The following STK3 variants were observed in gnomAD, a reference collection of about 807,000 sequenced individuals.
The protein encoded by STK3 is serine/threonine-protein kinase 3.
In STK3, 41 loss-of-function variants were observed where a neutral mutation model predicts 58.0. That is an observed-to-expected ratio of 0.71 (90% CI 0.55 to 0.92). The LOEUF is 0.92. Among genes scored for constraint, STK3 ranks in the 40% least tolerant of loss-of-function variants. The probability of loss-of-function intolerance (pLI) is 0.00; values close to 1 mark genes in which losing one functional copy is unlikely to be tolerated. For synonymous variants in STK3, 170 were observed against 191.0 expected, an observed-to-expected ratio of 0.89 and a Z score of 0.91; for missense variants, 479 against 602.7, an observed-to-expected ratio of 0.79 and a Z score of 2.15.
At chr8:98,413,917 T>G (rs541170909) in intron 3 of STK3, 152 of 426,122 alleles carry the variant, frequency 3.6e-4, no homozygotes, top group African/African-American at 2.9e-3. Flanking sequence ...GGGCCCTATA[T>G]TTATTTGATT....
At chr8:98,357,439 G>A in the STK3 span, among the ~76,000 whole-genome samples, 5 of 152,174 alleles carry the variant, frequency 3.3e-5, no homozygotes, top group Non-Finnish European at 1.5e-5. Context: ...TCACAGAATG[G>A]TACTCCCAGA....
At chr8:98,650,815 T>A (rs1044802614) in intron 6 of STK3, among the ~76,000 whole-genome samples, 6 of 152,166 alleles carry the variant, frequency 3.9e-5, no homozygotes, top group African/African-American at 1.4e-4. Context: ...CCAGGCTTGC[T>A]TAGGTAAACA....
intron 3 of STK3, among the ~76,000 whole-genome samples, chr8:98,866,088 C>A (rs538758555): frequency 2.0e-5 from 3 of 152,388 alleles, no homozygotes; most frequent in Admixed American, 6.5e-5. Context: ...TTTAGACCAT[C>A]ATGCTCAGAT....
chr8:98,877,302 A>G (rs766128200), intron 3 of STK3, among the ~76,000 whole-genome samples: 3 of 152,138 alleles, frequency 2.0e-5, no homozygotes, highest in Non-Finnish European at 4.4e-5. Context: ...GACATCCTCC[A>G]TATTGTCTCT....
chr8:98,471,802 T>G (rs1820938624), intron 10 of STK3, among the ~76,000 whole-genome samples: 1 of 152,172 alleles, frequency 6.6e-6, no homozygotes, highest in African/African-American at 2.4e-5. Context: ...TAGGTGTAAA[T>G]CTGTCAACCA....
chr8:98,622,606 T>C (rs541824054), intron 6 of STK3, among the ~76,000 whole-genome samples: 2 of 152,332 alleles, frequency 1.3e-5, no homozygotes, highest in Admixed American at 6.5e-5. Context: ...AGAAGAACTA[T>C]ATTAATACAT....
At chr8:98,650,047 G>A (rs556227795) in intron 6 of STK3, among the ~76,000 whole-genome samples, 9 of 152,202 alleles carry the variant, frequency 5.9e-5, no homozygotes, top group Non-Finnish European at 1.2e-4. Context: ...TCAGCACTGA[G>A]AAAGGCTACC....
At chr8:98,572,906 C>T (rs1813076797) in intron 8 of STK3, among the ~76,000 whole-genome samples, 1 of 152,002 alleles carries the variant, frequency 6.6e-6, no homozygotes, top group Admixed American at 6.6e-5. Context: ...CTAAGCTTTG[C>T]CCCAGAGAAT....
At chr8:98,347,341 C>T in the STK3 span, among the ~76,000 whole-genome samples, 21,287 of 151,584 alleles carry the variant, frequency 0.14, 1,747 homozygotes, top group Non-Finnish European at 0.18. Flanking sequence ...GGTGAAACCC[C>T]GTCTCTACTA....
At position 98,546,685 on chromosome 8, in the gene STK3, T is replaced by C. The variant is rs184459268; in HGVS notation, c.1141+1284A>G. Among the ~76,000 whole-genome samples the C allele has an allele frequency of 4.1e-3, 618 of 152,250 alleles. 8 individuals are homozygous for C. The highest frequency in any genetic ancestry group is 2.0e-3 in the Non-Finnish European group (134 of 68,026). ...CTCTGCAGTGGAGTGAGGCACGTTA[T>C]GGATGCAGAAAACTTACTCTAGTCA... On this transcript the variant is annotated intron_variant, in intron 9 of 10. Coordinates refer to ENST00000419617, the MANE Select transcript of STK3 (RefSeq NM_006281.4).
At chr8:98,826,706 A>T (rs1175654656), upstream of STK3, among the ~76,000 whole-genome samples, 2 of 151,876 alleles carry the variant, frequency 1.3e-5, no homozygotes, top group African/African-American at 4.8e-5. Context: ...CAGCTGCTAC[A>T]TGAGTTTACT....
chr8:98,362,215 G>A, the STK3 span, among the ~76,000 whole-genome samples: 4 of 152,172 alleles, frequency 2.6e-5, no homozygotes, highest in African/African-American at 9.6e-5. Flanking sequence ...ATGTAGAGAC[G>A]AGCTTGGGTG....
intron 10 of STK3, among the ~76,000 whole-genome samples, chr8:98,474,159 G>A (rs910545334): frequency 2.2e-4 from 33 of 152,156 alleles, no homozygotes; most frequent in African/African-American, 7.0e-4. Context: ...ATGTCAAATC[G>A]ATGTCCTCCT....
At chr8:98,595,972 A>G in intron 7 of STK3, 60 bp downstream of exon 7, 8 of 1,556,760 alleles carry the variant, frequency 5.1e-6, no homozygotes, top group Admixed American at 1.8e-5. Context: ...ATTCTGGCCA[A>G]TGTCAGAAAG....
chr8:98,664,469 A>T (rs562264168), intron 6 of STK3, among the ~76,000 whole-genome samples: 1 of 152,336 alleles, frequency 6.6e-6, no homozygotes, highest in East Asian at 1.9e-4. Flanking sequence ...AAAATACTTC[A>T]TAAATACAGA....
intron 1 of STK3, among the ~76,000 whole-genome samples, chr8:98,811,376 C>A (rs1432491101): frequency 6.6e-6 from 1 of 152,142 alleles, no homozygotes; most frequent in Non-Finnish European, 1.5e-5. Flanking sequence ...ATAGTAGCTA[C>A]TTAATGAGTC....
In STK3 at chr8:98,455,474, T is replaced by C. The variant is rs567017376; in HGVS notation, c.*368A>G. 5.6e-6 allele frequency: 1 copy of C among 177,108 alleles called. No individual in the cohort carries two copies. The highest frequency in any genetic ancestry group is 2.4e-5 in the African/African-American group (1 of 41,916). The allele number at this position is 177,108 out of a possible 1,614,324, so 11.0% of individuals were successfully genotyped here. On this transcript the variant is annotated 3_prime_UTR_variant, in exon 11 of 11. Transcript: ENST00000419617. ...TAAGGGGATACAATAAATAGCCTAG[T>C]ATACTAGATAGGAATAAAGAATATT...
intron 3 of STK3, chr8:98,429,692 C>A: frequency 4.9e-6 from 2 of 412,318 alleles, no homozygotes; most frequent in Non-Finnish European, 9.0e-6. Context: ...TGAGTACACC[C>A]AGAATGCTAA....
chr8:98,720,317 G>A (rs1012974219), intron 4 of STK3, among the ~76,000 whole-genome samples: 15 of 152,120 alleles, frequency 9.9e-5, no homozygotes, highest in Non-Finnish European at 1.5e-4. Flanking sequence ...ACGAGGAAAC[G>A]AATTCAGAGA....
Sources: allele counts gnomAD v4.1 joint callset (sites outside exome capture counted in the v4.1 genomes callset), GRCh38; gene constraint gnomAD v4.1.1; transcripts MANE v1.5; gene names NCBI Gene and HGNC (gene_info 2026-07-23, HGNC 2026-07-21).